The following TNKS1BP1 variants were observed in gnomAD, a reference collection of about 807,000 sequenced individuals.
TNKS1BP1 encodes 182 kDa tankyrase-1-binding protein.
TNKS1BP1 carries 48 observed loss-of-function variants against 141.1 expected under a neutral mutation model. That is an observed-to-expected ratio of 0.34 (90% CI 0.27 to 0.43). TNKS1BP1 has a LOEUF of 0.43. TNKS1BP1 is among the 20% of genes least tolerant of loss of function. The pLI, the probability that TNKS1BP1 is intolerant of heterozygous loss-of-function variation, is 1.00. For synonymous variants in TNKS1BP1, 875 were observed against 898.2 expected (o/e 0.97, Z 0.46); for missense variants, 2,149 against 2,226.0 (o/e 0.97, Z 0.70).
intron 6 of TNKS1BP1, among the ~76,000 whole-genome samples, chr11:57,308,160 T>C (rs1199958950): frequency 6.6e-6 from 1 of 152,176 alleles, no homozygotes; most frequent in East Asian, 1.9e-4. Flanking sequence ...AGCTCAAACA[T>C]GGGTTGCAAA....
In TNKS1BP1 at chr11:57,312,682, C is replaced by T; in HGVS notation, c.2006G>A (p.Cys669Tyr). 1.3e-6 allele frequency: 2 copies of T among 1,581,596 alleles called. No individual in the cohort carries two copies. Among genetic ancestry groups the T allele is most frequent in the African/African-American group, 1.4e-5 (1 of 74,040 alleles). ...GCCTGGAGGCTCGGGGGATGCCCTACACAAGTCTTGAGCCTCTGTCCTGGC... is the reference window on the plus strand; with the variant it reads ...GCCTGGAGGCTCGGGGGATGCCCTATACAAGTCTTGAGCCTCTGTCCTGGC... The part of the protein sequence containing the change: ...TQARTEAQDL[C>Y]RASPEPPGPE... Residue 669 changes from cysteine (C) to tyrosine (Y), a missense_variant, in exon 5 of 12, where the codon TGT (cysteine) becomes TAT (tyrosine). Coordinates refer to ENST00000358252, the MANE Select transcript of TNKS1BP1 (RefSeq NM_033396.3).
chr11:57,319,144 CAAAAAAAAAAAAA>C (rs558416849), intron 3 of TNKS1BP1, among the ~76,000 whole-genome samples: 1 of 64,288 alleles, frequency 1.6e-5, no homozygotes, highest in Non-Finnish European at 3.0e-5. Context: ...GACTCCGTCT[CAAAAAAAAAAAAA>C]AAAAAAAAGA....
chr11:57,320,026 C>CCCCCCCCAG, intron 3 of TNKS1BP1, 53 bp downstream of exon 3: 2 of 1,485,506 alleles, frequency 1.3e-6, no homozygotes, highest in Non-Finnish European at 1.8e-6. Context: ...CACCCAATCC[C>CCCCCCCCAG]ACCCCACCTG....
Position 57,302,260 on chromosome 11 carries a change from G to A in TNKS1BP1, c.4684-36C>T. 1 of 1,590,616 alleles carries A rather than the reference G, an allele frequency of 6.3e-7. No homozygotes were observed. Among genetic ancestry groups the A allele is most frequent in the Non-Finnish European group, 8.6e-7 (1 of 1,166,138 alleles). ...CAATGGTGACACCACTGCCATTGCT[G>A]CCTCATCCCACGGGAGCCCCTCAAC... On this transcript the variant is annotated intron_variant, in intron 7 of 11. Transcript: ENST00000358252. This position sits in a 1 kb window ranked among gnomAD's most constrained non-coding sequence, Gnocchi z 5.5.
In TNKS1BP1 at chr11:57,317,875, G is replaced by A. The variant is rs773632907; in HGVS notation, c.741C>T (p.Ser247=). The A allele has an allele frequency of 2.0e-5, 32 of 1,613,714 alleles. No homozygotes were observed. Among genetic ancestry groups the A allele is most frequent in the Middle Eastern group, 3.3e-4 (2 of 6,074 alleles). The change falls in exon 4 of 12, where the codon TCC becomes TCT. Residue 247 remains serine (S), a synonymous_variant. Transcript: ENST00000358252. ...SKTPEERSLP[S]DLAFNGDLAK... ...CCAGGTCCCCGTTGAAGGCCAGGTCGGAAGGAAGGCTCCTGTGAGGGACGA... is the reference window on the plus strand; with the variant it reads ...CCAGGTCCCCGTTGAAGGCCAGGTCAGAAGGAAGGCTCCTGTGAGGGACGA...
chr11:57,308,074 A>G (rs1855640196), intron 6 of TNKS1BP1, among the ~76,000 whole-genome samples: 1 of 152,202 alleles, frequency 6.6e-6, no homozygotes, highest in South Asian at 2.1e-4. Context: ...TGTGTACAAG[A>G]GTAGAACCCA....
chr11:57,308,603 C>T lies in TNKS1BP1; in HGVS notation c.4108G>A (p.Val1370Met), dbSNP rs371257450. The change falls in exon 6 of 12, where the codon GTG (valine) becomes ATG (methionine). Residue 1370 changes from valine to methionine, a missense_variant. Val to Met is a conservative substitution (Grantham distance 21). Transcript: ENST00000358252. The part of the protein sequence containing the change: ...SEAREHGVGG[V>M]SQCPEPGLRH... ...AGGCCGGGCTCTGGGCACTGGCTCA[C>T]CCCGCCCACCCCATGCTCCCTGGCT... The T allele has an allele frequency of 2.9e-5, 47 of 1,613,782 alleles. No individual in the cohort carries two copies. The highest frequency in any genetic ancestry group is 1.1e-5 in the South Asian group (1 of 91,048).
chr11:57,315,756 C>T (rs1472944691), intron 4 of TNKS1BP1, among the ~76,000 whole-genome samples: 1 of 151,694 alleles, frequency 6.6e-6, no homozygotes, highest in Non-Finnish European at 1.5e-5. Context: ...ACCCCCCCAC[C>T]GCCACACACA....
intron 4 of TNKS1BP1, among the ~76,000 whole-genome samples, chr11:57,317,481 G>A (rs560778168): frequency 9.2e-5 from 14 of 152,344 alleles, no homozygotes; most frequent in African/African-American, 3.4e-4. Flanking sequence ...GGACTAACCA[G>A]GTCTACTAGC....
At chr11:57,316,217 C>T (rs1487073524) in intron 4 of TNKS1BP1, among the ~76,000 whole-genome samples, 2 of 152,138 alleles carry the variant, frequency 1.3e-5, no homozygotes, top group East Asian at 1.9e-4. Flanking sequence ...CAGCTGATGG[C>T]GCCCTCCCCC....
Position 57,301,918 on chromosome 11 carries a change from AG to A in TNKS1BP1, c.4859del (p.Ser1620PhefsTer6). 3 of 1,614,072 alleles carry A rather than the reference AG, an allele frequency of 1.9e-6. No individual in the cohort carries two copies. Among genetic ancestry groups the A allele is most frequent in the Non-Finnish European group, 2.5e-6 (3 of 1,179,994 alleles). The part of the protein sequence containing the change: ...STEPRASRVP[S>X]SDEEVVEEPQ... ...GTTCCTCCACTACCTCTTCATCTGA[AG>A]ATGGCACCCGAGATGCCCGTGGCTC... On this transcript the variant is annotated frameshift_variant, in exon 9 of 12. Transcript: ENST00000358252. LOFTEE classifies it high-confidence loss of function.
chr11:57,307,720 G>C (rs554139620), intron 6 of TNKS1BP1, among the ~76,000 whole-genome samples: 1 of 152,318 alleles, frequency 6.6e-6, no homozygotes, highest in Non-Finnish European at 1.5e-5. Flanking sequence ...TTTTTAGCAC[G>C]TTTCTCAGCT....
chr11:57,314,020 T>G (rs1590590348), intron 4 of TNKS1BP1, 131 bp from the exon 5 acceptor site: 1 of 1,097,050 alleles, frequency 9.1e-7, no homozygotes, highest in Non-Finnish European at 1.2e-6. Flanking sequence ...CCCGAGGGGG[T>G]CCTCTTGGGA....
In TNKS1BP1 at chr11:57,301,026, G is replaced by A. The variant is rs149950386; in HGVS notation, c.4987C>T (p.Arg1663Trp). Reference protein sequence around the residue: ...PSALKAKLRPRNRSAEEGELA... With the variant: ...PSALKAKLRPWNRSAEEGELA... ...TCTCCCTCCTCAGCTGAGCGATTCC[G>A]GGGGCGCAGCTTGGCCTGAGAAGCA... Residue 1663 changes from arginine to tryptophan, a missense_variant, in exon 10 of 12, where the codon CGG becomes TGG. Physicochemically the swap from Arg to Trp is moderately radical, Grantham distance 101. Transcript: ENST00000358252. 5.7e-5 allele frequency: 92 copies of A among 1,611,752 alleles called. 1 individual carries two copies. Among genetic ancestry groups the A allele is most frequent in the South Asian group, 3.9e-4 (35 of 90,864 alleles).
rs375660553 is a variant in TNKS1BP1 at position 57,312,553 on chromosome 11, G to A, written c.2135C>T (p.Ser712Phe). The A allele has an allele frequency of 2.5e-5, 38 of 1,498,300 alleles. No individual in the cohort carries two copies. In the African/African-American group the frequency reaches 5.0e-4, roughly 20 times the overall value. The allele number at this position is 1,498,300 out of a possible 1,614,324, so 92.8% of individuals were successfully genotyped here. A position where few individuals can be genotyped will look rare whatever the true frequency, so the allele number is the denominator to read the frequency against. ...TCTCACCTCAGAGCAGGTACTTGGGGACTGTGTGTCCTTCAGCTCAGCTCC... is the reference window on the plus strand; with the variant it reads ...TCTCACCTCAGAGCAGGTACTTGGGAACTGTGTGTCCTTCAGCTCAGCTCC... ...GAGAELKDTQ[S>F]PSTCSEGLLG... Residue 712 changes from serine (S) to phenylalanine (F), a missense_variant, in exon 5 of 12, where the codon TCC (serine) becomes TTC (phenylalanine). By Grantham distance (155) the Ser-to-Phe change is radical. Transcript: ENST00000358252.
Position 57,317,820 on chromosome 11 carries a change from C to G in TNKS1BP1, c.796G>C (p.Asp266His), listed in dbSNP as rs752190994. Residue 266 changes from aspartate (D) to histidine (H), a missense_variant and splice_region_variant, in exon 4 of 12, where the codon GAT becomes CAT. By Grantham distance (81) the Asp-to-His change is moderately conservative (BLOSUM62 -1). Transcript: ENST00000358252. ...TTCATAACTGGAGGATAACTCACAT[C>G]AGCAGGTAGCTCCGAGCTGGCTGCC... ...AKAASSELPA[D>H]ISKPWIPSSP... The G allele has an allele frequency of 1.1e-5, 18 of 1,613,620 alleles. No homozygotes were observed. In the South Asian group the frequency reaches 2.0e-4, roughly 18 times the overall value.
Position 57,313,353 on chromosome 11 carries a change from G to A in TNKS1BP1, c.1335C>T (p.Gly445=). ...GGCCTTGGGGCAGGGCAGCCAGCGA[G>A]CCCCCCAGCTTCTCCTGGTCCTGAC... ...SPSQDQEKLG[G]SLAALPQGQG... The change falls in exon 5 of 12, where the codon GGC becomes GGT. Residue 445 remains glycine (G), a synonymous_variant. Coordinates refer to ENST00000358252, the MANE Select transcript of TNKS1BP1 (RefSeq NM_033396.3). The A allele has an allele frequency of 6.2e-7, 1 of 1,612,684 alleles. No individual in the cohort carries two copies. Among genetic ancestry groups the A allele is most frequent in the Non-Finnish European group, 8.5e-7 (1 of 1,179,734 alleles).
chr11:57,314,032 A>G, intron 4 of TNKS1BP1, 143 bp from the exon 5 acceptor site: 2 of 1,000,452 alleles, frequency 2.0e-6, no homozygotes, highest in Non-Finnish European at 2.7e-6. Flanking sequence ...CTCTTGGGAT[A>G]GCTGGGAGGG....
Position 57,302,993 on chromosome 11 carries a change from AC to A in TNKS1BP1, c.4317-169del. ...GTCAGGGCCTTGAGCAACACAGCACACAGGTGAAGAGCTGAGCCAGTCTGGC... is the reference window on the plus strand; with the variant it reads ...GTCAGGGCCTTGAGCAACACAGCACAAGGTGAAGAGCTGAGCCAGTCTGGC... On this transcript the variant is annotated intron_variant, in intron 6 of 11. Transcript: ENST00000358252. The surrounding 1 kb of genome is among the most constrained non-coding windows in gnomAD (Gnocchi z 5.5). The A allele has an allele frequency of 1.3e-6, 1 of 764,086 alleles. No homozygotes were observed. The highest frequency in any genetic ancestry group is 3.2e-5 in the South Asian group (1 of 30,918). 47.3% of individuals were successfully genotyped at this position (764,086 alleles called of 1,614,324 possible). A position where few individuals can be genotyped will look rare whatever the true frequency, so the allele number is the denominator to read the frequency against.
Sources: gnomAD v4.1 joint callset for allele counts (sites outside exome capture counted in the v4.1 genomes callset) on GRCh38, gnomAD v4.1.1 for gene constraint, Gnocchi (gnomAD v3.1) non-coding constraint, MANE v1.5 for transcripts, NCBI Gene and HGNC (gene_info 2026-07-23, HGNC 2026-07-21) for gene names.